Variants in GAS6 observed in about 807,000 individuals in gnomAD.
GAS6 encodes growth arrest-specific protein 6.
In GAS6, 41 loss-of-function variants were observed where a neutral mutation model predicts 75.8. That is an observed-to-expected ratio of 0.54 (90% CI 0.42 to 0.70). GAS6 has a LOEUF of 0.70. Ranked by LOEUF, GAS6 falls within the 30% of genes least tolerant of loss-of-function variation. GAS6 has a pLI of 0.00. For synonymous variants in GAS6, 432 were observed against 412.6 expected, an observed-to-expected ratio of 1.05 and a Z score of -0.57; for missense variants, 854 against 940.2, an observed-to-expected ratio of 0.91 and a Z score of 1.20.
chr13:113,863,223 G>A lies in GAS6; in HGVS notation c.255+352C>T, dbSNP rs1050159616. ...CTCTCAGGAGGACGAGGCGCGGCCC[G>A]GGGGTTCCTCACCTCCAGCCCAGCA... is the stretch of plus-strand genomic sequence containing the variant. On this transcript the variant is annotated intron_variant, in intron 2 of 14. Transcript: ENST00000327773. The surrounding 1 kb of genome is among the most constrained non-coding windows in gnomAD (Gnocchi z 9.4). Among the ~76,000 whole-genome samples, 3 of 152,222 alleles carry A rather than the reference G, an allele frequency of 2.0e-5. No homozygotes were observed. The highest frequency in any genetic ancestry group is 2.9e-5 in the Non-Finnish European group (2 of 68,030).
chr13:113,859,266 G>A (rs1053300743), intron 2 of GAS6, among the ~76,000 whole-genome samples: 2 of 151,722 alleles, frequency 1.3e-5, no homozygotes, highest in African/African-American at 2.4e-5. Context: ...CTGTGTGACT[G>A]TGTAGGTACA....
At position 113,837,550 on chromosome 13, in the gene GAS6, G is replaced by A. The variant is rs540186254; in HGVS notation, c.589+519C>T. Among the ~76,000 whole-genome samples, 35 of 152,252 alleles carry A rather than the reference G, an allele frequency of 2.3e-4. No individual in the cohort carries two copies. The highest frequency in any genetic ancestry group is 8.2e-4 in the African/African-American group (34 of 41,544). On this transcript the variant is annotated intron_variant, in intron 6 of 14. Coordinates refer to ENST00000327773, the MANE Select transcript of GAS6 (RefSeq NM_000820.4). The surrounding 1 kb of genome is among the most constrained non-coding windows in gnomAD (Gnocchi z 5.1). ...CGTCGGGGGCGCGCACATTCACAGTGACTTTCTGGGGTGTCCTGGGGCTCC... is the reference window on the plus strand; with the variant it reads ...CGTCGGGGGCGCGCACATTCACAGTAACTTTCTGGGGTGTCCTGGGGCTCC...
intron 12 of GAS6, 90 bp downstream of exon 12, chr13:113,826,906 G>T: frequency 1.5e-6 from 1 of 675,482 alleles, no homozygotes; most frequent in Non-Finnish European, 1.9e-6. Context: ...TTGTCCTGAC[G>T]CTGCCATCTG....
At chr13:113,833,344 G>A in intron 8 of GAS6, 1 of 998,822 alleles carries the variant, frequency 1.0e-6, no homozygotes, top group South Asian at 4.4e-5. Flanking sequence ...TCAAGGCGAG[G>A]GCTGGCTGGA....
At chr13:113,858,697 G>A (rs1423012015) in intron 2 of GAS6, among the ~76,000 whole-genome samples, 1 of 150,044 alleles carries the variant, frequency 6.7e-6, no homozygotes, top group Non-Finnish European at 1.5e-5. Context: ...CTGTGTGTGT[G>A]ACTGTGTATG....
chr13:113,852,555 C>A (rs1381210430), intron 2 of GAS6, among the ~76,000 whole-genome samples: 1 of 152,206 alleles, frequency 6.6e-6, no homozygotes, highest in Non-Finnish European at 1.5e-5. Flanking sequence ...GTAGATGCCA[C>A]CTCCGGACCC....
intron 2 of GAS6, among the ~76,000 whole-genome samples, chr13:113,853,814 G>T (rs149928680): frequency 1.9e-4 from 29 of 152,312 alleles, no homozygotes; most frequent in African/African-American, 7.0e-4. Context: ...AAGAGCCGCC[G>T]TCTTACAGAC....
At position 113,863,287 on chromosome 13, in the gene GAS6, TTG is replaced by T. The variant is rs532149276; in HGVS notation, c.255+286_255+287del. On this transcript the variant is annotated intron_variant, in intron 2 of 14. Transcript: ENST00000327773. This position sits in a 1 kb window ranked among gnomAD's most constrained non-coding sequence, Gnocchi z 9.4. Reference sequence around the variant, plus strand: ...GGGGAAGCGGTTTGGGTTTTAACCATTGTGTTTCTCTCGCACTTTGGAAACGG... The same window carrying T: ...GGGGAAGCGGTTTGGGTTTTAACCATTGTTTCTCTCGCACTTTGGAAACGG... 1.3e-3 allele frequency among the ~76,000 whole-genome samples: 194 copies of T among 152,132 alleles called. 1 individual carries two copies. Among genetic ancestry groups the T allele is most frequent in the African/African-American group, 4.3e-3 (179 of 41,546 alleles).
At chr13:113,831,792 C>T (rs2051633835) in intron 10 of GAS6, among the ~76,000 whole-genome samples, 1 of 127,130 alleles carries the variant, frequency 7.9e-6, no homozygotes, top group South Asian at 2.9e-4. Context: ...GGGTCCCCGT[C>T]CCCCGGAGCA....
chr13:113,859,348 A>C (rs919099735), intron 2 of GAS6, among the ~76,000 whole-genome samples: 2 of 146,452 alleles, frequency 1.4e-5, no homozygotes, highest in African/African-American at 5.1e-5. Flanking sequence ...GCATGTGTAC[A>C]TGTCTGTGTG....
At chr13:113,838,867 G>A (rs896623948) in intron 5 of GAS6, among the ~76,000 whole-genome samples, 1 of 152,064 alleles carries the variant, frequency 6.6e-6, no homozygotes, top group African/African-American at 2.4e-5. Flanking sequence ...GATCCTAGAG[G>A]TGCACAGCCC....
intron 2 of GAS6, among the ~76,000 whole-genome samples, chr13:113,859,622 G>A (rs2051954744): frequency 6.6e-6 from 1 of 152,160 alleles, no homozygotes; most frequent in African/African-American, 2.4e-5. Flanking sequence ...CTGTGTGTGT[G>A]CATGTATATC....
chr13:113,860,671 A>G (rs1478026294), intron 2 of GAS6, among the ~76,000 whole-genome samples: 1 of 152,168 alleles, frequency 6.6e-6, no homozygotes, highest in Admixed American at 6.5e-5. Context: ...TATAAAAAGG[A>G]AAACAAGATA....
At chr13:113,842,607 C>T in intron 4 of GAS6, 4 of 397,086 alleles carry the variant, frequency 1.0e-5, no homozygotes, top group Admixed American at 4.4e-5. Flanking sequence ...TCCGCTTCTC[C>T]ACCCTGGCCT....
At chr13:113,843,211 TG>T (rs2051804703) in intron 4 of GAS6, 1 of 212,780 alleles carries the variant, frequency 4.7e-6, no homozygotes, top group Non-Finnish European at 9.2e-6. Flanking sequence ...TCCCGCAAGC[TG>T]GGCCTAGGGT....
intron 6 of GAS6, 34 bp from the exon 7 acceptor site, chr13:113,835,669 C>T: frequency 1.9e-6 from 3 of 1,605,834 alleles, no homozygotes; most frequent in Admixed American, 3.4e-5. Flanking sequence ...AACCGCAGCA[C>T]AGCGGCATCT....
intron 8 of GAS6, chr13:113,833,485 C>G: frequency 1.0e-6 from 1 of 991,088 alleles, no homozygotes; most frequent in Non-Finnish European, 1.2e-6. Context: ...CTCTCATCAA[C>G]CCCCAGGCAC....
rs73583223 is a variant in GAS6, at chr13:113,826,003, C to T, written c.1477+993G>A. On this transcript the variant is annotated intron_variant, in intron 12 of 14. Coordinates refer to ENST00000327773, the MANE Select transcript of GAS6 (RefSeq NM_000820.4). ...GGCTTCACCATAAACGGCTCGGTGT[C>T]CAGGAATAGGGCAGGGCTGTGGTGC... Among the ~76,000 whole-genome samples the T allele has an allele frequency of 9.6e-3, 1,465 of 152,280 alleles. 27 individuals carry two copies. Among genetic ancestry groups the T allele is most frequent in the African/African-American group, 0.03 (1,249 of 41,558 alleles).
chr13:113,839,751 C>T lies in GAS6; in HGVS notation c.443G>A (p.Trp148Ter). The change falls in exon 5 of 15, where the codon TGG becomes TAG. Residue 148 changes from tryptophan to a stop codon, truncating the protein, a stop_gained. Coordinates refer to ENST00000327773, the MANE Select transcript of GAS6 (RefSeq NM_000820.4). LOFTEE classifies it high-confidence loss of function. ...GNFFCLCKAG[W>*]GGRLCDKDVN... is the part of the protein sequence containing the mutation. ...ACCTTTGTCGCAGAGCCGGCCCCCC[C>T]AGCCAGCTTTACACAGGCAGAAGAA... 1 of 1,613,964 alleles carries T rather than the reference C, an allele frequency of 6.2e-7. No individual in the cohort carries two copies. Among genetic ancestry groups the T allele is most frequent in the Non-Finnish European group, 8.5e-7 (1 of 1,179,972 alleles).
Sources: allele counts gnomAD v4.1 joint callset (sites outside exome capture counted in the v4.1 genomes callset), GRCh38; gene constraint gnomAD v4.1.1; non-coding constraint Gnocchi (gnomAD v3.1); transcripts MANE v1.5; gene names NCBI Gene and HGNC (gene_info 2026-07-23, HGNC 2026-07-21).